The following EYS variants were observed in gnomAD, a reference collection of about 807,000 sequenced individuals.
The protein encoded by EYS is EGF-like photoreceptor maintenance factor.
In EYS, 250 loss-of-function variants were observed where a neutral mutation model predicts 282.1. That is an observed-to-expected ratio of 0.89 (90% CI 0.80 to 0.98). The LOEUF (loss-of-function observed/expected upper bound fraction) is 0.98, where lower values mean the gene tolerates loss of function less well. EYS is among the 50% of genes least tolerant of loss of function. The pLI, the probability that EYS is intolerant of heterozygous loss-of-function variation, is 0.00. For missense variants in EYS, 4,016 were observed against 3,709.0 expected, an observed-to-expected ratio of 1.08 and a Z score of -2.15; for synonymous variants, 1,355 against 1,282.9, an observed-to-expected ratio of 1.06 and a Z score of -1.20.
At chr6:65,188,188 C>T (rs565453310) in intron 12 of EYS, among the ~76,000 whole-genome samples, 3 of 151,658 alleles carry the variant, frequency 2.0e-5, no homozygotes, top group Non-Finnish European at 4.4e-5. Flanking sequence ...TTTCTCAATT[C>T]ACATTAACCT....
At chr6:64,621,534 A>G (rs1408131255) in intron 23 of EYS, among the ~76,000 whole-genome samples, 1 of 152,154 alleles carries the variant, frequency 6.6e-6, no homozygotes, top group Non-Finnish European at 1.5e-5. Context: ...TTTATCTCAT[A>G]ATAAGGATTT....
intron 26 of EYS, among the ~76,000 whole-genome samples, chr6:64,523,932 T>C (rs574802385): frequency 6.6e-6 from 1 of 151,940 alleles, no homozygotes; most frequent in African/African-American, 2.4e-5. Context: ...GAGATTTTGA[T>C]GATTGAATAA....
chr6:65,476,552 G>A (rs1009167576), intron 5 of EYS, among the ~76,000 whole-genome samples: 1 of 150,440 alleles, frequency 6.6e-6, no homozygotes, highest in Non-Finnish European at 1.5e-5. Flanking sequence ...ATCAGGAAAT[G>A]TTCATTTATT....
intron 26 of EYS, among the ~76,000 whole-genome samples, chr6:64,499,734 T>C (rs1776983198): frequency 6.6e-6 from 1 of 152,102 alleles, no homozygotes; most frequent in African/African-American, 2.4e-5. Flanking sequence ...TGCTTCCCCT[T>C]ATCAAAATGT....
At chr6:65,705,960 T>C (rs539963359) in intron 1 of EYS, among the ~76,000 whole-genome samples, 12 of 152,074 alleles carry the variant, frequency 7.9e-5, no homozygotes, top group Non-Finnish European at 1.3e-4. Context: ...AACTGAATCA[T>C]TATTACCTAA....
chr6:64,637,386 C>T lies in EYS; in HGVS notation c.3444-11141G>A, dbSNP rs149457502. 6.2e-4 allele frequency among the ~76,000 whole-genome samples: 47 copies of T among 75,704 alleles called. 18 individuals are homozygous for T. Among genetic ancestry groups the T allele is most frequent in the Non-Finnish European group, 1.0e-3 (38 of 37,704 alleles). 49.7% of individuals were successfully genotyped at this position (75,704 alleles called of 152,430 possible). ...CATGTTCTCACTCATAGATGGGAATCGAACAATGAGAACACATGGACACAG... is the reference window on the plus strand; with the variant it reads ...CATGTTCTCACTCATAGATGGGAATTGAACAATGAGAACACATGGACACAG... On this transcript the variant is annotated intron_variant, in intron 22 of 42. Coordinates refer to ENST00000503581, the MANE Select transcript of EYS (RefSeq NM_001142800.2).
intron 12 of EYS, among the ~76,000 whole-genome samples, chr6:65,186,970 A>G (rs1289171656): frequency 6.6e-6 from 1 of 151,794 alleles, no homozygotes; most frequent in Non-Finnish European, 1.5e-5. Context: ...CTTAGCAGCC[A>G]AAGTAACAGC....
At chr6:63,735,331 C>A (rs897672131) in intron 41 of EYS, among the ~76,000 whole-genome samples, 3 of 152,112 alleles carry the variant, frequency 2.0e-5, no homozygotes, top group African/African-American at 7.2e-5. Context: ...TTTTATAACT[C>A]ACTTTGAAAC....
At chr6:63,869,329 T>C (rs1380743229) in intron 35 of EYS, among the ~76,000 whole-genome samples, 2 of 152,124 alleles carry the variant, frequency 1.3e-5, no homozygotes, top group Non-Finnish European at 2.9e-5. Flanking sequence ...AAATGGAATA[T>C]ATGGTATAAT....
At chr6:65,092,515 T>A (rs1315888329) in intron 12 of EYS, among the ~76,000 whole-genome samples, 1 of 152,170 alleles carries the variant, frequency 6.6e-6, no homozygotes, top group African/African-American at 2.4e-5. Flanking sequence ...AATATAACAA[T>A]CATCTTACTG....
intron 31 of EYS, among the ~76,000 whole-genome samples, chr6:64,133,439 T>C (rs1774050786): frequency 6.6e-6 from 1 of 150,892 alleles, no homozygotes. Context: ...GTGGGTTTTC[T>C]AAGATAGAGG....
chr6:65,061,682 GT>G (rs1773577786), intron 12 of EYS, among the ~76,000 whole-genome samples: 1 of 151,448 alleles, frequency 6.6e-6, no homozygotes, highest in Non-Finnish European at 1.5e-5. Flanking sequence ...ATTTAAATTA[GT>G]TTTCCTTTTA....
intron 41 of EYS, among the ~76,000 whole-genome samples, chr6:63,732,688 C>T (rs1185702132): frequency 6.6e-6 from 1 of 152,134 alleles, no homozygotes; most frequent in Non-Finnish European, 1.5e-5. Context: ...GATTGGCTAT[C>T]CATCTTTTAG....
At chr6:64,106,906 A>G (rs1057371789) in intron 31 of EYS, among the ~76,000 whole-genome samples, 3 of 145,546 alleles carry the variant, frequency 2.1e-5, no homozygotes, top group African/African-American at 5.1e-5. Context: ...AGGATTTTCT[A>G]TTGACATATC....
intron 5 of EYS, among the ~76,000 whole-genome samples, chr6:65,445,158 T>C (rs1350989811): frequency 6.6e-6 from 1 of 151,922 alleles, no homozygotes; most frequent in East Asian, 1.9e-4. Context: ...ATTATTTTTA[T>C]GGTTATTTAA....
At chr6:64,434,229 GT>G (rs915415449) in intron 28 of EYS, among the ~76,000 whole-genome samples, 25 of 152,126 alleles carry the variant, frequency 1.6e-4, no homozygotes, top group African/African-American at 5.5e-4. Flanking sequence ...AATCAAACCT[GT>G]TGTCATTTTG....
intron 2 of EYS, among the ~76,000 whole-genome samples, chr6:65,632,133 A>G (rs1484093634): frequency 1.3e-5 from 2 of 152,192 alleles, no homozygotes; most frequent in African/African-American, 2.4e-5. Flanking sequence ...TGAAAGTTCT[A>G]TGGACAGAAC....
chr6:64,416,875 C>T (rs908279932), intron 28 of EYS, among the ~76,000 whole-genome samples: 5 of 151,994 alleles, frequency 3.3e-5, no homozygotes, highest in African/African-American at 1.2e-4. Context: ...TATTAGCTAA[C>T]ATTTATTAAG....
At chr6:65,385,563 A>G (rs746859108) in intron 7 of EYS, among the ~76,000 whole-genome samples, 2 of 151,944 alleles carry the variant, frequency 1.3e-5, no homozygotes, top group African/African-American at 2.4e-5. Flanking sequence ...TTAAGTTCTC[A>G]TTCAATTATT....
Sources: gnomAD v4.1 joint callset for allele counts (sites outside exome capture counted in the v4.1 genomes callset) on GRCh38, gnomAD v4.1.1 for gene constraint, MANE v1.5 for transcripts, NCBI Gene and HGNC (gene_info 2026-07-23, HGNC 2026-07-21) for gene names.